SOX6: variants seen among roughly 807,000 people sequenced by gnomAD.
The protein encoded by SOX6 is transcription factor SOX-6.
In SOX6, 11 loss-of-function variants were observed where a neutral mutation model predicts 97.8. The observed-to-expected ratio is 0.11, with a 90% CI of 0.07 to 0.19. The LOEUF (loss-of-function observed/expected upper bound fraction) is 0.19. Among genes scored for constraint, SOX6 ranks in the 10% least tolerant of loss-of-function variants. The pLI, the probability that SOX6 is intolerant of heterozygous loss-of-function variation, is 1.00. For synonymous variants in SOX6, 360 were observed against 371.4 expected (o/e 0.97, Z 0.35); for missense variants, 810 against 1,039.5 (o/e 0.78, Z 3.04).
intron 12 of SOX6, among the ~76,000 whole-genome samples, chr11:16,020,834 T>C (rs1044554057): frequency 6.6e-6 from 1 of 152,122 alleles, no homozygotes; most frequent in Non-Finnish European, 1.5e-5. Context: ...AAGCCAGAGA[T>C]TGTATCTTAG....
intron 12 of SOX6, among the ~76,000 whole-genome samples, chr11:16,034,585 GT>G (rs549478665): frequency 4.7e-4 from 71 of 152,264 alleles, no homozygotes; most frequent in African/African-American, 1.6e-3. Context: ...CATGTGCAAA[GT>G]TTTCACATAT....
At chr11:16,034,272 G>A (rs538735017) in intron 12 of SOX6, among the ~76,000 whole-genome samples, 2 of 152,136 alleles carry the variant, frequency 1.3e-5, no homozygotes, top group Non-Finnish European at 2.9e-5. Flanking sequence ...AGGCCATTGC[G>A]CAATGCATTT....
chr11:16,593,570 A>C (rs901048531), intron 4 of SOX6, among the ~76,000 whole-genome samples: 10 of 152,182 alleles, frequency 6.6e-5, no homozygotes, highest in Non-Finnish European at 1.0e-4. Context: ...GTTTCTTCCC[A>C]AGTATTTAAT....
At chr11:16,635,849 G>A (rs1349740840) in intron 3 of SOX6, among the ~76,000 whole-genome samples, 1 of 152,244 alleles carries the variant, frequency 6.6e-6, no homozygotes, top group Non-Finnish European at 1.5e-5. Flanking sequence ...CCAAGCCTTG[G>A]AAGCTTCCAC....
At chr11:16,468,231 T>C (rs1860078089) in intron 1 of SOX6, among the ~76,000 whole-genome samples, 1 of 152,168 alleles carries the variant, frequency 6.6e-6, no homozygotes, top group African/African-American at 2.4e-5. Context: ...TTAACTACAG[T>C]ACTATAAAAA....
At chr11:16,215,485 G>A (rs1852348309) in intron 4 of SOX6, among the ~76,000 whole-genome samples, 1 of 152,152 alleles carries the variant, frequency 6.6e-6, no homozygotes. Flanking sequence ...AAGAATCCCA[G>A]AAGTCTAGCC....
At chr11:16,333,601 A>T (rs35696784) in intron 2 of SOX6, among the ~76,000 whole-genome samples, 3,808 of 145,316 alleles carry the variant, frequency 0.026, 62 homozygotes, top group Middle Eastern at 0.052. Context: ...AGGTTTATTT[A>T]AAAAAAAAAG....
chr11:16,530,144 AC>A (rs1378752016), intron 4 of SOX6, among the ~76,000 whole-genome samples: 1 of 152,138 alleles, frequency 6.6e-6, no homozygotes, highest in East Asian at 1.9e-4. Context: ...GTGACACTGC[AC>A]TATCAGCTTC....
intron 3 of SOX6, among the ~76,000 whole-genome samples, chr11:16,706,010 T>A (rs1848129644): frequency 6.6e-6 from 1 of 152,106 alleles, no homozygotes; most frequent in Admixed American, 6.5e-5. Flanking sequence ...TATAAGTGGA[T>A]TCAACTCTCT....
intron 1 of SOX6, among the ~76,000 whole-genome samples, chr11:16,427,072 T>G (rs1027447031): frequency 1.5e-4 from 23 of 151,940 alleles, no homozygotes; most frequent in African/African-American, 5.6e-4. Flanking sequence ...AGGCAAAGAT[T>G]TCATGACTAA....
intron 4 of SOX6, among the ~76,000 whole-genome samples, chr11:16,514,575 T>C (rs1330942781): frequency 6.6e-6 from 1 of 152,206 alleles, no homozygotes; most frequent in South Asian, 2.1e-4. Flanking sequence ...CTTTAAGTTT[T>C]AGGGTACATG....
intron 3 of SOX6, among the ~76,000 whole-genome samples, chr11:16,267,105 GA>G (rs1854103240): frequency 2.0e-5 from 3 of 151,236 alleles, no homozygotes; most frequent in Admixed American, 1.3e-4. Context: ...AAACATAGAG[GA>G]AAAACTATAC....
At chr11:16,345,349 A>T (rs1297917308) in intron 1 of SOX6, among the ~76,000 whole-genome samples, 1 of 152,016 alleles carries the variant, frequency 6.6e-6, no homozygotes, top group East Asian at 1.9e-4. Context: ...CTAAATTCCC[A>T]TCATATGTTC....
intron 12 of SOX6, among the ~76,000 whole-genome samples, chr11:16,041,553 GT>G (rs1855665488): frequency 6.6e-6 from 1 of 152,074 alleles, no homozygotes. Flanking sequence ...ATTAGATATT[GT>G]TTTCCTATTT....
At chr11:16,354,949 A>C (rs1857037133) in intron 1 of SOX6, among the ~76,000 whole-genome samples, 1 of 152,020 alleles carries the variant, frequency 6.6e-6, no homozygotes, top group Non-Finnish European at 1.5e-5. Flanking sequence ...CTAGTGTGCT[A>C]AAGAACCCCA....
chr11:16,616,507 C>T (rs1168001924), intron 3 of SOX6, among the ~76,000 whole-genome samples: 1 of 151,856 alleles, frequency 6.6e-6, no homozygotes, highest in Non-Finnish European at 1.5e-5. Context: ...ACATTACAAT[C>T]ATATTGGAGA....
chr11:16,301,678 T>A (rs1364463630), intron 3 of SOX6, among the ~76,000 whole-genome samples: 2 of 152,140 alleles, frequency 1.3e-5, no homozygotes, highest in African/African-American at 4.8e-5. Flanking sequence ...TTATTTTATA[T>A]GAATAGAATG....
chr11:16,044,187 G>A (rs1855759249), intron 12 of SOX6, among the ~76,000 whole-genome samples: 1 of 152,170 alleles, frequency 6.6e-6, no homozygotes, highest in South Asian at 2.1e-4. Flanking sequence ...CTCATGACCT[G>A]TTTCCCAGGA....
intron 3 of SOX6, among the ~76,000 whole-genome samples, chr11:16,707,495 C>A (rs1179804169): frequency 6.6e-6 from 1 of 151,856 alleles, no homozygotes; most frequent in Admixed American, 6.6e-5. Flanking sequence ...ATAATTGTAC[C>A]TTAGTTTCTT....
Sources: gnomAD v4.1 joint callset for allele counts (sites outside exome capture counted in the v4.1 genomes callset) on GRCh38, gnomAD v4.1.1 for gene constraint, MANE v1.5 for transcripts, NCBI Gene and HGNC (gene_info 2026-07-23, HGNC 2026-07-21) for gene names.